Variants in BMPR1A observed in about 807,000 individuals in gnomAD.
BMPR1A encodes the protein bone morphogenetic protein receptor type-1A.
Under a neutral mutation model 66.0 loss-of-function variants are expected in BMPR1A, and 7 were observed. The observed-to-expected ratio is 0.11, with a 90% confidence interval of 0.06 to 0.20. The LOEUF is 0.20. Among genes scored for constraint, BMPR1A ranks in the 10% least tolerant of loss-of-function variants. BMPR1A has a pLI of 1.00. For synonymous variants in BMPR1A, 200 were observed against 229.7 expected (o/e 0.87, Z 1.17); for missense variants, 408 against 669.1 (o/e 0.61, Z 4.31).
chr10:86,818,211 G>T (rs1468329266), intron 1 of BMPR1A, among the ~76,000 whole-genome samples: 1 of 152,118 alleles, frequency 6.6e-6, no homozygotes, highest in Non-Finnish European at 1.5e-5. Flanking sequence ...TAGAGACAGG[G>T]TTTCCCCATG....
intron 2 of BMPR1A, chr10:86,855,708 C>T (rs1842631395): frequency 3.9e-6 from 3 of 765,064 alleles, no homozygotes; most frequent in Non-Finnish European, 6.7e-6. Context: ...ACTGTCTGTT[C>T]TTTGTGTTTG....
intron 2 of BMPR1A, among the ~76,000 whole-genome samples, chr10:86,866,399 C>CTTTTTTTTTTCTTTTTTTTTTT (rs1842785629): frequency 1.4e-5 from 1 of 69,474 alleles, no homozygotes; most frequent in African/African-American, 5.3e-5. Flanking sequence ...AAGTTTCTTT[C>CTTTTTTTTTTCTTTTTTTTTTT]TTTTTTTTTT....
rs140068217 is a variant in BMPR1A at position 86,762,337 on chromosome 10, G to C, written c.-268+5418G>C. ...AGAACTCCTTGTATGGTCTAGCAAA[G>C]AGCCTAAAACAGCATTGAGAATTTT... On this transcript the variant is annotated intron_variant, in intron 1 of 12. Transcript: ENST00000372037. Among the ~76,000 whole-genome samples, 218 of 152,302 alleles carry C rather than the reference G, an allele frequency of 1.4e-3. 1 individual carries two copies. The highest frequency in any genetic ancestry group is 4.4e-3 in the East Asian group (23 of 5,182).
intron 1 of BMPR1A, among the ~76,000 whole-genome samples, chr10:86,807,704 G>A (rs1290248861): frequency 5.3e-5 from 8 of 152,118 alleles, no homozygotes; most frequent in East Asian, 3.8e-4. Context: ...TATGTATTCC[G>A]TTTAATCTGT....
intron 3 of BMPR1A, among the ~76,000 whole-genome samples, chr10:86,883,626 C>T (rs1843024826): frequency 6.7e-6 from 1 of 149,068 alleles, no homozygotes; most frequent in Non-Finnish European, 1.5e-5. Context: ...CAAAAATTAG[C>T]CGGGCGTGGT....
rs4934264 is a variant in BMPR1A at position 86,798,571 on chromosome 10, C to G, written c.-267-40294C>G. ...AATTAAAGGCTTAAACATGGAATCT[C>G]TAGGACATATAAAATATGAGTAGAA... On this transcript the variant is annotated intron_variant, in intron 1 of 12. Coordinates refer to ENST00000372037, the MANE Select transcript of BMPR1A (RefSeq NM_004329.3). Among the ~76,000 whole-genome samples, 431 of 152,198 alleles carry G rather than the reference C, an allele frequency of 2.8e-3. 4 individuals carry two copies. Among genetic ancestry groups the G allele is most frequent in the Admixed American group, 0.017 (261 of 15,290 alleles).
Position 86,926,796 on chromosome 10 carries a change from A to C in BMPR1A, c.*3077A>C, listed in dbSNP as rs998467201. Reference sequence around the variant, plus strand: ...TTTAAATAATTAAAATATAAAAGCAAACAACCCAAACTACCTGACTATAAA... The same window carrying C: ...TTTAAATAATTAAAATATAAAAGCACACAACCCAAACTACCTGACTATAAA... On this transcript the variant is annotated 3_prime_UTR_variant, in exon 13 of 13. Transcript: ENST00000372037. 5.3e-6 allele frequency: 1 copy of C among 189,610 alleles called. No homozygotes were observed. The highest frequency in any genetic ancestry group is 2.3e-5 in the African/African-American group (1 of 42,978). 11.7% of individuals were successfully genotyped at this position (189,610 alleles called of 1,614,324 possible).
chr10:86,811,666 A>G (rs1212145396), intron 1 of BMPR1A, among the ~76,000 whole-genome samples: 1 of 152,136 alleles, frequency 6.6e-6, no homozygotes, highest in African/African-American at 2.4e-5. Context: ...TCAGTATGCT[A>G]TTATATTAGG....
intron 2 of BMPR1A, among the ~76,000 whole-genome samples, chr10:86,845,732 T>C (rs1842474751): frequency 6.6e-6 from 1 of 152,188 alleles, no homozygotes; most frequent in Admixed American, 6.5e-5. Context: ...GTGCAGTGGC[T>C]CACGCCTGTA....
chr10:86,856,352 G>A (rs1381133391), intron 2 of BMPR1A: 2 of 391,046 alleles, frequency 5.1e-6, no homozygotes, highest in African/African-American at 2.1e-5. Context: ...ATGGGAGAGA[G>A]TAGTCTGCGG....
At chr10:86,800,425 G>T (rs546377366) in intron 1 of BMPR1A, among the ~76,000 whole-genome samples, 1 of 152,070 alleles carries the variant, frequency 6.6e-6, no homozygotes, top group African/African-American at 2.4e-5. Context: ...ACGGAGTTTC[G>T]CTCTTGTTGC....
At chr10:86,891,147 T>G (rs1366050459) in intron 4 of BMPR1A, among the ~76,000 whole-genome samples, 3 of 152,214 alleles carry the variant, frequency 2.0e-5, no homozygotes, top group Non-Finnish European at 2.9e-5. Context: ...TGTCTTAGGT[T>G]TGCTGCTTGT....
chr10:86,757,827 G>A (rs1847902497), intron 1 of BMPR1A, among the ~76,000 whole-genome samples: 1 of 152,158 alleles, frequency 6.6e-6, no homozygotes, highest in South Asian at 2.1e-4. Flanking sequence ...GTCTAAGGGA[G>A]CTGGGATTTG....
At chr10:86,857,307 G>A (rs79185803) in intron 2 of BMPR1A, among the ~76,000 whole-genome samples, 2 of 152,034 alleles carry the variant, frequency 1.3e-5, no homozygotes, top group East Asian at 3.9e-4. Flanking sequence ...CATGAGGCTC[G>A]TGAGTAACAA....
intron 1 of BMPR1A, among the ~76,000 whole-genome samples, chr10:86,807,473 T>C (rs1386256223): frequency 1.3e-5 from 2 of 152,130 alleles, no homozygotes; most frequent in African/African-American, 4.8e-5. Flanking sequence ...CTTGAACTTC[T>C]AGGCTCAAGC....
At position 86,904,872 on chromosome 10, in the gene BMPR1A, C is replaced by T. The variant is rs573905787; in HGVS notation, c.530+4746C>T. ...ATACTACATAGAACTTTGTGACTGC[C>T]CTGTTTATTTAGCTTTAGAACTTCA... On this transcript the variant is annotated intron_variant, in intron 7 of 12. Transcript: ENST00000372037. 9.9e-5 allele frequency among the ~76,000 whole-genome samples: 15 copies of T among 152,182 alleles called. No homozygotes were observed. In the South Asian group the frequency reaches 3.1e-3, roughly 32 times the overall value.
chr10:86,781,857 C>CTTT (rs1162095658), intron 1 of BMPR1A, among the ~76,000 whole-genome samples: 1,641 of 84,212 alleles, frequency 0.019, 13 homozygotes, highest in Non-Finnish European at 0.022. Flanking sequence ...GACAGGATTT[C>CTTT]TTTTTTTTTT....
At chr10:86,838,487 G>A (rs528496913) in intron 1 of BMPR1A, among the ~76,000 whole-genome samples, 7 of 151,734 alleles carry the variant, frequency 4.6e-5, no homozygotes, top group Non-Finnish European at 8.8e-5. Flanking sequence ...TTAGCTAGGT[G>A]GTCCAATATA....
At chr10:86,791,715 TCCTTCCTTCCTTCCTTC>T (rs1841626970) in intron 1 of BMPR1A, among the ~76,000 whole-genome samples, 1 of 37,694 alleles carries the variant, frequency 2.7e-5, no homozygotes, top group African/African-American at 1.1e-4. Flanking sequence ...CTCCCTCCCT[TCCTTCCTTCCTTCCTTC>T]CCTCCCTCCC....
Sources: gnomAD v4.1 joint callset for allele counts (sites outside exome capture counted in the v4.1 genomes callset) on GRCh38, gnomAD v4.1.1 for gene constraint, MANE v1.5 for transcripts, NCBI Gene and HGNC (gene_info 2026-07-23, HGNC 2026-07-21) for gene names.